The following AATK variants were observed in gnomAD, a reference collection of about 807,000 sequenced individuals.
AATK encodes the protein serine/threonine-protein kinase LMTK1.
Under a neutral mutation model 114.3 loss-of-function variants are expected in AATK, and 91 were observed. That is an observed-to-expected ratio of 0.80 (90% CI 0.67 to 0.95). AATK has a LOEUF of 0.95. Among genes scored for constraint, AATK ranks in the 40% least tolerant of loss-of-function variants. The pLI is 0.00. For synonymous variants in AATK, 1,075 were observed against 916.5 expected, an observed-to-expected ratio of 1.17 and a Z score of -3.12; for missense variants, 2,176 against 1,965.2, an observed-to-expected ratio of 1.11 and a Z score of -2.03.
chr17:81,127,497 A>C lies in AATK; in HGVS notation c.621+86T>G. The C allele has an allele frequency of 5.2e-6, 7 of 1,340,842 alleles. No individual in the cohort carries two copies. The South Asian group carries it at 8.8e-5, about 17-fold the overall frequency. 83.1% of individuals were successfully genotyped at this position (1,340,842 alleles called of 1,614,324 possible). ...CTTTAGGGAGGATGTGAGGCCCCCA[A>C]GGAGGGGGTGGCACCAGACACTGGC... On this transcript the variant is annotated intron_variant, in intron 6 of 13. Coordinates refer to ENST00000326724, the MANE Select transcript of AATK (RefSeq NM_001080395.3).
chr17:81,156,004 A>G (rs1032217177), intron 1 of AATK, among the ~76,000 whole-genome samples: 4 of 152,154 alleles, frequency 2.6e-5, no homozygotes, highest in African/African-American at 9.7e-5. Context: ...ATCTGCTCAT[A>G]ACTGTATGTA....
chr17:81,130,084 A>G (rs1371048597), intron 3 of AATK, among the ~76,000 whole-genome samples: 1 of 152,188 alleles, frequency 6.6e-6, no homozygotes, highest in Non-Finnish European at 1.5e-5. Context: ...GTTCATAGCC[A>G]GCTCTCAGGG....
At chr17:81,133,461 C>T (rs1022286551) in intron 2 of AATK, 29 of 292,656 alleles carry the variant, frequency 9.9e-5, no homozygotes, top group South Asian at 4.5e-4. Flanking sequence ...GTGCTGTGCG[C>T]GCTGCAGAAT....
In AATK at chr17:81,121,639, G is replaced by A. The variant is rs779287877; in HGVS notation, c.2297C>T (p.Thr766Ile). Reference protein sequence around the residue: ...PAPCLVTPSWTETASSGGDHP... With the variant: ...PAPCLVTPSWIETASSGGDHP... ...GTCACCCCCACTACTGGCTGTCTCT[G>A]TCCAGGAGGGTGTAACCAGGCAGGG... The change falls in exon 11 of 14, where the codon ACA (threonine) becomes ATA (isoleucine). Residue 766 changes from threonine (T) to isoleucine (I), a missense_variant. Coordinates refer to ENST00000326724, the MANE Select transcript of AATK (RefSeq NM_001080395.3). 4.7e-6 allele frequency: 7 copies of A among 1,499,282 alleles called. No homozygotes were observed. In the Admixed American group the frequency reaches 6.9e-5, roughly 15 times the overall value. 92.9% of individuals were successfully genotyped at this position (1,499,282 alleles called of 1,614,324 possible). A position where few individuals can be genotyped will look rare whatever the true frequency, so the allele number is the denominator to read the frequency against.
At chr17:81,132,289 G>A (rs928832299) in intron 2 of AATK, among the ~76,000 whole-genome samples, 5 of 152,324 alleles carry the variant, frequency 3.3e-5, no homozygotes, top group South Asian at 4.1e-4. Context: ...GCCAGCACCC[G>A]GGCTGGTGAG....
In AATK at chr17:81,154,311, TTTTC is replaced by T. The variant is rs1443992247; in HGVS notation, c.55+11623_55+11626del. Among the ~76,000 whole-genome samples, 192 of 135,850 alleles carry T rather than the reference TTTTC, an allele frequency of 1.4e-3. 3 individuals are homozygous for T. Among genetic ancestry groups the T allele is most frequent in the African/African-American group, 4.7e-3 (168 of 35,640 alleles). The allele number at this position is 135,850 out of a possible 152,430, so 89.1% of individuals were successfully genotyped here. On this transcript the variant is annotated intron_variant, in intron 1 of 13. Transcript: ENST00000326724. ...AATCCAATTTTCTTTTTTCTTAGTT[TTTTC>T]TTTCTTTTTTTTTTTTTTTTTTTGA... is the stretch of plus-strand genomic sequence containing the variant.
chr17:81,128,917 G>C, intron 3 of AATK: 1 of 1,125,840 alleles, frequency 8.9e-7, no homozygotes, highest in South Asian at 2.2e-5. Context: ...ACGGCACAGA[G>C]AGGGCACTGG....
At position 81,118,505 on chromosome 17, in the gene AATK, A is replaced by G. The variant is rs1196758750; in HGVS notation, c.4085-63T>C. 85 of 1,548,330 alleles carry G rather than the reference A, an allele frequency of 5.5e-5. 1 individual carries two copies. The highest frequency in any genetic ancestry group is 1.7e-4 in the Middle Eastern group (1 of 5,986). ...AGACACCAGGGCTGCCTCCCCCGCA[A>G]CTCCCACCTGGCCTCCATCCCTGGC... On this transcript the variant is annotated intron_variant, in intron 13 of 13. Coordinates refer to ENST00000326724, the MANE Select transcript of AATK (RefSeq NM_001080395.3).
intron 1 of AATK, among the ~76,000 whole-genome samples, chr17:81,138,818 C>G: frequency 6.8e-6 from 1 of 146,328 alleles, no homozygotes; most frequent in East Asian, 2.1e-4. Flanking sequence ...GCGTGCACAC[C>G]CACGTGAGCG....
At position 81,120,376 on chromosome 17, in the gene AATK, C is replaced by T; in HGVS notation, c.3560G>A (p.Ser1187Asn). ...CYSVQEPSED[S>N]EEEAPAVPVV... Reference sequence around the variant, plus strand: ...GGGCACCGCCGGCGCCTCCTCTTCGCTGTCCTCGCTAGGCTCCTGGACGCT... The same window carrying T: ...GGGCACCGCCGGCGCCTCCTCTTCGTTGTCCTCGCTAGGCTCCTGGACGCT... The change falls in exon 11 of 14, where the codon AGC (serine) becomes AAC (asparagine). Residue 1187 changes from serine (S) to asparagine (N), a missense_variant. Physicochemically the swap from Ser to Asn is conservative, Grantham distance 46. This residue lies in a region of AATK where 1,701 missense variants were observed against 1,394.7 expected (regional missense o/e 1.22). Coordinates refer to ENST00000326724, the MANE Select transcript of AATK (RefSeq NM_001080395.3). 1.2e-6 allele frequency: 2 copies of T among 1,608,426 alleles called. No homozygotes were observed. Among genetic ancestry groups the T allele is most frequent in the South Asian group, 2.2e-5 (2 of 90,766 alleles).
At chr17:81,125,845 G>A (rs996846266) in intron 7 of AATK, 5 of 462,870 alleles carry the variant, frequency 1.1e-5, no homozygotes, top group South Asian at 6.2e-5. Context: ...CAGGGCAGCT[G>A]GGGCCCGGCA....
chr17:81,120,525 G>A lies in AATK; in HGVS notation c.3411C>T (p.Gly1137=). 1.3e-6 allele frequency: 2 copies of A among 1,484,850 alleles called. No individual in the cohort carries two copies. The highest frequency in any genetic ancestry group is 1.8e-6 in the Non-Finnish European group (2 of 1,116,874). The allele number at this position is 1,484,850 out of a possible 1,614,324, so 92.0% of individuals were successfully genotyped here. Residue 1137 remains glycine (G), a synonymous_variant, in exon 11 of 14, where the codon GGC becomes GGT. Transcript: ENST00000326724. ...CCAGGCGGAGTGGGGCTCTGGGGGT[G>A]CCTGGGCCCCCCATCCGCTTTTGTG... is the stretch of plus-strand genomic sequence containing the variant. ...PAPQKRMGGP[G]TPRAPLRLAL... is the part of the protein sequence containing the mutation.
chr17:81,127,429 GCCT>G (rs2060857997), intron 6 of AATK, among the ~76,000 whole-genome samples, 151 bp downstream of exon 6: 3 of 152,122 alleles, frequency 2.0e-5, no homozygotes, highest in African/African-American at 7.2e-5. Flanking sequence ...TCTCCCCATC[GCCT>G]CCTCTGGAAG....
At chr17:81,130,774 C>T (rs1207859054) in intron 3 of AATK, among the ~76,000 whole-genome samples, 1 of 152,206 alleles carries the variant, frequency 6.6e-6, no homozygotes, top group Non-Finnish European at 1.5e-5. Flanking sequence ...ATAGCAGCCC[C>T]TTGGGCAGGG....
chr17:81,136,661 G>T (rs1361779884), intron 1 of AATK, among the ~76,000 whole-genome samples: 1 of 152,220 alleles, frequency 6.6e-6, no homozygotes, highest in Non-Finnish European at 1.5e-5. Context: ...GCCATGGGGG[G>T]TCATTCAGCA....
At chr17:81,144,537 G>C (rs1171110462) in intron 1 of AATK, among the ~76,000 whole-genome samples, 1 of 152,238 alleles carries the variant, frequency 6.6e-6, no homozygotes. Context: ...GCCGGGCAGG[G>C]GGCCCGCAGG....
At chr17:81,146,261 C>T (rs925003722) in intron 1 of AATK, among the ~76,000 whole-genome samples, 38 of 150,934 alleles carry the variant, frequency 2.5e-4, no homozygotes, top group Non-Finnish European at 4.4e-4. Context: ...CTCAGGAGGC[C>T]GAGGTGGGAG....
Position 81,120,185 on chromosome 17 carries a change from G to A in AATK, c.3735+16C>T. 1 of 1,553,392 alleles carries A rather than the reference G, an allele frequency of 6.4e-7. No homozygotes were observed. The highest frequency in any genetic ancestry group is 8.7e-7 in the Non-Finnish European group (1 of 1,144,198). ...GACCCCCAGCCCCGGGCAGACCCCG[G>A]GTGGCGGCGGCCCACCTGGTCAAAG... On this transcript the variant is annotated intron_variant, in intron 11 of 13. Transcript: ENST00000326724.
intron 1 of AATK, among the ~76,000 whole-genome samples, chr17:81,161,626 C>T (rs2725414): frequency 7.2e-4 from 110 of 152,268 alleles, no homozygotes; most frequent in African/African-American, 2.1e-3. Flanking sequence ...TGACGGCCCC[C>T]GGGTTCTCTC....
Sources: gnomAD v4.1 joint callset for allele counts (sites outside exome capture counted in the v4.1 genomes callset) on GRCh38, gnomAD v4.1.1 for gene constraint, gnomAD v4.1.1 regional missense constraint, MANE v1.5 for transcripts, NCBI Gene and HGNC (gene_info 2026-07-23, HGNC 2026-07-21) for gene names.